ESR2: variants seen among roughly 807,000 people sequenced by gnomAD.
The protein encoded by ESR2 is estrogen receptor beta.
ESR2 carries 36 observed loss-of-function variants against 49.6 expected under a neutral mutation model. That is an observed-to-expected ratio of 0.73 (90% CI 0.56 to 0.96). The LOEUF (loss-of-function observed/expected upper bound fraction) is 0.96. Ranked by LOEUF, ESR2 falls within the 40% of genes least tolerant of loss-of-function variation. ESR2 has a pLI of 0.00. For missense variants in ESR2, 714 were observed against 693.0 expected, an observed-to-expected ratio of 1.03 and a Z score of -0.34; for synonymous variants, 320 against 266.1, an observed-to-expected ratio of 1.20 and a Z score of -1.97.
In ESR2 at chr14:64,260,591, G is replaced by A. The variant is rs1481242577; in HGVS notation, c.810C>T (p.Leu270=). The A allele has an allele frequency of 6.8e-6, 11 of 1,609,686 alleles. No homozygotes were observed. The highest frequency in any genetic ancestry group is 6.6e-5 in the South Asian group (6 of 90,580). The change falls in exon 5 of 9, where the codon CTC becomes CTT. Residue 270 remains leucine, a synonymous_variant. Transcript: ENST00000341099. Reference sequence around the variant, plus strand: ...GGGGCGGCTCAGCCTCCAGGAGGGTGAGCACTAGCTGCTCGGGGCTCAGGG... The same window carrying A: ...GGGGCGGCTCAGCCTCCAGGAGGGTAAGCACTAGCTGCTCGGGGCTCAGGG... ...LDALSPEQLV[L]TLLEAEPPHV... is the part of the protein sequence containing the mutation.
At chr14:64,242,443 AC>A (rs199973168) in intron 7 of ESR2, among the ~76,000 whole-genome samples, 1,183 of 89,042 alleles carry the variant, frequency 0.013, 19 homozygotes, top group African/African-American at 0.088. Flanking sequence ...AAACAAACAA[AC>A]AAAAAAAATA....
At chr14:64,227,639 C>G, downstream of ESR2, 11 of 1,613,454 alleles carry the variant, frequency 6.8e-6, no homozygotes, top group Non-Finnish European at 9.3e-6. Context: ...CGGGACAAGT[C>G]AAAGTTGCAG....
At position 64,229,286 on chromosome 14, in the gene ESR2, T is replaced by A. The variant is rs924320701; in HGVS notation, c.*3851A>T. On this transcript the variant is annotated 3_prime_UTR_variant, in exon 9 of 9. Transcript: ENST00000341099. ...CTGCGACTCAGCTCACAAAGCAGAT[T>A]CTCACAGAAGCAAGTCCTGGGGCAG... 9.9e-5 allele frequency among the ~76,000 whole-genome samples: 15 copies of A among 152,234 alleles called. No homozygotes were observed. The East Asian group carries it at 2.7e-3, about 27-fold the overall frequency.
At chr14:64,262,182 A>G (rs1302959003) in intron 4 of ESR2, among the ~76,000 whole-genome samples, 2 of 150,162 alleles carry the variant, frequency 1.3e-5, no homozygotes, top group African/African-American at 4.9e-5. Context: ...AGTCATGATC[A>G]CAGCTCACTG....
chr14:64,322,262 T>C (rs2077333421), intron 1 of ESR2, among the ~76,000 whole-genome samples: 1 of 152,166 alleles, frequency 6.6e-6, no homozygotes, highest in African/African-American at 2.4e-5. Context: ...TTTTGCCATC[T>C]TGGCCAGGCT....
chr14:64,229,855 C>T lies in ESR2; in HGVS notation c.*3282G>A, dbSNP rs1325112140. Among the ~76,000 whole-genome samples the T allele has an allele frequency of 8.5e-5, 13 of 152,108 alleles. No individual in the cohort carries two copies. Among genetic ancestry groups the T allele is most frequent in the Non-Finnish European group, 1.5e-5 (1 of 68,014 alleles). ...TAGATACTAAATAATGTGTTTTTAT[C>T]TTTTTAAAAGATTTTCAGCAACTTA... On this transcript the variant is annotated 3_prime_UTR_variant, in exon 9 of 9. Transcript: ENST00000341099.
At chr14:64,292,817 T>C (rs1050947353) in intron 1 of ESR2, among the ~76,000 whole-genome samples, 6 of 152,222 alleles carry the variant, frequency 3.9e-5, no homozygotes, top group African/African-American at 1.2e-4. Context: ...TACTAAATTC[T>C]ACCTTTTCTG....
Position 64,268,701 on chromosome 14 carries a change from A to C in ESR2, c.652+94T>G, listed in dbSNP as rs75350477. The C allele has an allele frequency of 4.0e-3, 2,948 of 742,598 alleles. 22 individuals are homozygous for C. Among genetic ancestry groups the C allele is most frequent in the African/African-American group, 0.019 (1,100 of 57,102 alleles). 46.0% of individuals were successfully genotyped at this position (742,598 alleles called of 1,614,324 possible). ...CAAATACTTAATTACTATGTCCCAAATCTTCTCTTTTCCCGGCTACCTGTC... is the reference window on the plus strand; with the variant it reads ...CAAATACTTAATTACTATGTCCCAACTCTTCTCTTTTCCCGGCTACCTGTC... On this transcript the variant is annotated intron_variant, in intron 4 of 8. Coordinates refer to ENST00000341099, the MANE Select transcript of ESR2 (RefSeq NM_001437.3).
At chr14:64,277,625 CAAAAAAAAAAA>C (rs55742946) in intron 3 of ESR2, among the ~76,000 whole-genome samples, 4 of 92,326 alleles carry the variant, frequency 4.3e-5, no homozygotes, top group South Asian at 3.8e-4. Context: ...ACTCCATCTC[CAAAAAAAAAAA>C]AAAAAAAAAA....
chr14:64,252,092 G>C (rs1209306719), intron 6 of ESR2, among the ~76,000 whole-genome samples: 1 of 152,160 alleles, frequency 6.6e-6, no homozygotes. Flanking sequence ...CAAAGTGGGA[G>C]GATCACTTGA....
chr14:64,233,464 C>G (rs944049), intron 8 of ESR2, 141 bp from the exon 9 acceptor site: 1 of 739,166 alleles, frequency 1.4e-6, no homozygotes, highest in Non-Finnish European at 2.2e-6. Flanking sequence ...ATCCATGGCT[C>G]GTGCATCCAG....
At chr14:64,243,529 T>C (rs903331844) in intron 7 of ESR2, among the ~76,000 whole-genome samples, 2 of 152,214 alleles carry the variant, frequency 1.3e-5, no homozygotes, top group African/African-American at 4.8e-5. Context: ...TGAAATGGGA[T>C]GTGTCTCTAC....
intron 3 of ESR2, among the ~76,000 whole-genome samples, chr14:64,273,743 G>A (rs532812673): frequency 6.6e-6 from 1 of 152,026 alleles, no homozygotes; most frequent in Non-Finnish European, 1.5e-5. Context: ...TGGGGATATT[G>A]GTCTGTCATA....
intron 1 of ESR2, among the ~76,000 whole-genome samples, chr14:64,326,860 A>G (rs1433776008): frequency 6.6e-6 from 1 of 152,220 alleles, no homozygotes; most frequent in Admixed American, 6.6e-5. Context: ...TTTTCTCTTA[A>G]TATATCAGAA....
intron 1 of ESR2, among the ~76,000 whole-genome samples, chr14:64,290,097 A>T (rs1321650488): frequency 6.6e-6 from 1 of 152,008 alleles, no homozygotes. Flanking sequence ...TGGGGGTTAT[A>T]CTCTAGCTCT....
chr14:64,267,249 A>G (rs940552391), intron 4 of ESR2, among the ~76,000 whole-genome samples: 6 of 152,258 alleles, frequency 3.9e-5, no homozygotes, highest in African/African-American at 1.4e-4. Flanking sequence ...GTAAATTTTA[A>G]TTAAATTTTA....
At chr14:64,283,980 C>A (rs1187451560) in intron 1 of ESR2, among the ~76,000 whole-genome samples, 1 of 151,900 alleles carries the variant, frequency 6.6e-6, no homozygotes, top group Non-Finnish European at 1.5e-5. Flanking sequence ...GGCTGGAGTG[C>A]AGTGGCATGA....
intron 1 of ESR2, chr14:64,337,518 A>G (rs2077546294): frequency 6.6e-6 from 1 of 152,220 alleles, no homozygotes; most frequent in South Asian, 2.1e-4. Context: ...CCGCTTGTGC[A>G]AACTTTGAGA....
intron 1 of ESR2, among the ~76,000 whole-genome samples, chr14:64,292,093 T>C (rs1238504960): frequency 6.6e-6 from 1 of 152,216 alleles, no homozygotes; most frequent in East Asian, 1.9e-4. Context: ...TATATGAATT[T>C]AACACTTAGT....
Sources: allele counts gnomAD v4.1 joint callset (sites outside exome capture counted in the v4.1 genomes callset), GRCh38; gene constraint gnomAD v4.1.1; transcripts MANE v1.5; gene names NCBI Gene and HGNC (gene_info 2026-07-23, HGNC 2026-07-21).